The following IGSF21 variants were observed in gnomAD, a reference collection of about 807,000 sequenced individuals.
The protein encoded by IGSF21 is immunoglobin superfamily member 21.
Under a neutral mutation model 46.8 loss-of-function variants are expected in IGSF21, and 28 were observed. The ratio of observed to expected loss-of-function variants is 0.60; its 90% CI spans 0.44 to 0.82. The LOEUF (loss-of-function observed/expected upper bound fraction) is 0.82, where lower values mean the gene tolerates loss of function less well. Ranked by LOEUF, IGSF21 falls within the 40% of genes least tolerant of loss-of-function variation. The pLI, the probability that IGSF21 is intolerant of heterozygous loss-of-function variation, is 0.00. For missense variants in IGSF21, 624 were observed against 665.5 expected, an observed-to-expected ratio of 0.94 and a Z score of 0.69; for synonymous variants, 284 against 273.6, an observed-to-expected ratio of 1.04 and a Z score of -0.38.
chr1:18,312,187 C>T (rs2085495025), intron 3 of IGSF21, among the ~76,000 whole-genome samples: 1 of 152,210 alleles, frequency 6.6e-6, no homozygotes, highest in East Asian at 1.9e-4. Flanking sequence ...CCATCTTTAG[C>T]ACCTGGTAGG....
rs1354226601 is a variant in IGSF21 at position 18,291,764 on chromosome 1, T to C, written c.184-102T>C. ...CTTATTCTCAGGATGGGGGCTGTCC[T>C]TCTTCTGGGCTTCCTGCCTGCATCT... On this transcript the variant is annotated intron_variant, in intron 2 of 9. Transcript: ENST00000251296. 2.1e-6 allele frequency: 3 copies of C among 1,414,376 alleles called. No homozygotes were observed. In the Admixed American group the frequency reaches 5.5e-5, roughly 26 times the overall value. 87.6% of individuals were successfully genotyped at this position (1,414,376 alleles called of 1,614,324 possible).
At chr1:18,123,948 C>T (rs940468406) in intron 1 of IGSF21, among the ~76,000 whole-genome samples, 2 of 152,176 alleles carry the variant, frequency 1.3e-5, no homozygotes, top group East Asian at 3.9e-4. Flanking sequence ...GCTGGCCCCA[C>T]CCTGGGAAGC....
At chr1:18,285,719 A>G (rs1408037556) in intron 2 of IGSF21, among the ~76,000 whole-genome samples, 1 of 152,186 alleles carries the variant, frequency 6.6e-6, no homozygotes, top group Non-Finnish European at 1.5e-5. Flanking sequence ...AACCCATGTT[A>G]CGGTCTGCTG....
intron 1 of IGSF21, chr1:18,179,095 G>A (rs561701853): frequency 6.6e-6 from 1 of 152,502 alleles, no homozygotes; most frequent in African/African-American, 2.4e-5. Context: ...CCACTGTGCA[G>A]GGCTCAGAGA....
At chr1:18,122,918 C>T (rs1265075580) in intron 1 of IGSF21, among the ~76,000 whole-genome samples, 1 of 151,604 alleles carries the variant, frequency 6.6e-6, no homozygotes, top group East Asian at 2.0e-4. Flanking sequence ...TGAGCCACCG[C>T]ACCCAGCCAG....
intron 2 of IGSF21, among the ~76,000 whole-genome samples, chr1:18,286,568 T>G (rs548115610): frequency 6.6e-5 from 10 of 152,338 alleles, no homozygotes; most frequent in African/African-American, 2.2e-4. Context: ...TGCTGGGAGC[T>G]TTAAGAAAGA....
At chr1:18,173,172 C>A (rs2086757933) in intron 1 of IGSF21, among the ~76,000 whole-genome samples, 1 of 152,080 alleles carries the variant, frequency 6.6e-6, no homozygotes, top group South Asian at 2.1e-4. Context: ...CCTGTAGTCT[C>A]AGCTACTTGG....
Position 18,181,187 on chromosome 1 carries a change from C to T in IGSF21, c.71-46711C>T, listed in dbSNP as rs578026758. Reference sequence around the variant, plus strand: ...AGGTGGTGGTGGATCCTCGGTCGTGCGGCGGATGTGTTCTGGCATCATTTA... The same window carrying T: ...AGGTGGTGGTGGATCCTCGGTCGTGTGGCGGATGTGTTCTGGCATCATTTA... On this transcript the variant is annotated intron_variant, in intron 1 of 9. Coordinates refer to ENST00000251296, the MANE Select transcript of IGSF21 (RefSeq NM_032880.5). Among the ~76,000 whole-genome samples, 7 of 152,286 alleles carry T rather than the reference C, an allele frequency of 4.6e-5. No homozygotes were observed. The East Asian group carries it at 7.7e-4, about 17-fold the overall frequency.
At chr1:18,306,737 A>G (rs1177285473) in intron 3 of IGSF21, among the ~76,000 whole-genome samples, 3 of 152,352 alleles carry the variant, frequency 2.0e-5, no homozygotes, top group Non-Finnish European at 4.4e-5. Context: ...TGACAGAGCC[A>G]TAGGGTGAGC....
intron 2 of IGSF21, among the ~76,000 whole-genome samples, chr1:18,289,296 A>C (rs142366034): frequency 6.6e-6 from 1 of 152,186 alleles, no homozygotes; most frequent in Non-Finnish European, 1.5e-5. Flanking sequence ...CTTCCGCTTT[A>C]TGACTTTGGG....
Position 18,225,085 on chromosome 1 carries a change from T to TCTCTCTCTCTCTCTCTCTCTCACACACA in IGSF21, c.71-2812_71-2811insTCTCTCTCTCTCTCTCTCTCACACACAC. Among the ~76,000 whole-genome samples the TCTCTCTCTCTCTCTCTCTCTCACACACA allele has an allele frequency of 6.2e-4, 32 of 51,598 alleles. 2 individuals are homozygous for TCTCTCTCTCTCTCTCTCTCTCACACACA. Among genetic ancestry groups the TCTCTCTCTCTCTCTCTCTCTCACACACA allele is most frequent in the South Asian group, 1.5e-3 (2 of 1,310 alleles). 33.9% of individuals were successfully genotyped at this position (51,598 alleles called of 152,430 possible). A position where few individuals can be genotyped will look rare whatever the true frequency, so the allele number is the denominator to read the frequency against. On this transcript the variant is annotated intron_variant, in intron 1 of 9. Coordinates refer to ENST00000251296, the MANE Select transcript of IGSF21 (RefSeq NM_032880.5). Reference sequence around the variant, plus strand: ...GTATCTCTCTCTCTCTCTCTCTCTCTCACACACACACACACACACACACAC... The same window carrying TCTCTCTCTCTCTCTCTCTCTCACACACA: ...GTATCTCTCTCTCTCTCTCTCTCTCTCTCTCTCTCTCTCTCTCTCTCACACACACACACACACACACACACACACACAC...
chr1:18,114,738 A>G (rs1469221252), intron 1 of IGSF21: 1 of 152,250 alleles, frequency 6.6e-6, no homozygotes, highest in Non-Finnish European at 1.5e-5. Flanking sequence ...CAGATGAGGG[A>G]AAATGAGGCC....
At chr1:18,209,015 G>A (rs890686537) in intron 1 of IGSF21, among the ~76,000 whole-genome samples, 2 of 152,188 alleles carry the variant, frequency 1.3e-5, no homozygotes, top group African/African-American at 2.4e-5. Flanking sequence ...TGGGGGTGAA[G>A]GTAGTGACTG....
intron 2 of IGSF21, among the ~76,000 whole-genome samples, chr1:18,251,144 G>T (rs1032081254): frequency 2.6e-5 from 4 of 152,136 alleles, no homozygotes; most frequent in Non-Finnish European, 5.9e-5. Context: ...AAGGAAAGGG[G>T]AACACAAGTC....
At chr1:18,272,860 C>T (rs2085055826) in intron 2 of IGSF21, among the ~76,000 whole-genome samples, 2 of 152,072 alleles carry the variant, frequency 1.3e-5, no homozygotes, top group African/African-American at 4.8e-5. Context: ...GCATTCAAAC[C>T]CCTCAGATGA....
At chr1:18,292,011 C>T (rs757333516) in intron 3 of IGSF21, 24 bp downstream of exon 3, 23 of 1,596,628 alleles carry the variant, frequency 1.4e-5, no homozygotes, top group South Asian at 5.6e-5. Flanking sequence ...GGTGGCGGGC[C>T]GACAGCGGGG....
intron 2 of IGSF21, among the ~76,000 whole-genome samples, chr1:18,243,211 A>G (rs2084750430): frequency 6.6e-6 from 1 of 152,284 alleles, no homozygotes; most frequent in Non-Finnish European, 1.5e-5. Flanking sequence ...GATGTCTGAT[A>G]AGCATCTCAG....
At chr1:18,353,821 T>C (rs1235081991) in intron 4 of IGSF21, among the ~76,000 whole-genome samples, 2 of 152,168 alleles carry the variant, frequency 1.3e-5, no homozygotes, top group Non-Finnish European at 2.9e-5. Flanking sequence ...AGGGTAAGTA[T>C]TGGTCAAGGT....
chr1:18,152,342 C>T (rs1322369972), intron 1 of IGSF21, among the ~76,000 whole-genome samples: 1 of 152,200 alleles, frequency 6.6e-6, no homozygotes, highest in Non-Finnish European at 1.5e-5. Flanking sequence ...TCATCGTGCC[C>T]TGCCCTGGAG....
Sources: gnomAD v4.1 joint callset for allele counts (sites outside exome capture counted in the v4.1 genomes callset) on GRCh38, gnomAD v4.1.1 for gene constraint, MANE v1.5 for transcripts, NCBI Gene and HGNC (gene_info 2026-07-23, HGNC 2026-07-21) for gene names.